Variants in ATP6V1C1 observed in about 807,000 individuals in gnomAD.
ATP6V1C1 encodes the protein ATPase H+ transporting V1 subunit C1, also known as V-type proton ATPase subunit C 1.
Under a neutral mutation model 53.9 loss-of-function variants are expected in ATP6V1C1, and 45 were observed. The ratio of observed to expected loss-of-function variants is 0.83; its 90% CI spans 0.66 to 1.07. ATP6V1C1 has a LOEUF of 1.07. Ranked by LOEUF, ATP6V1C1 falls within the 50% of genes least tolerant of loss-of-function variation. The probability of loss-of-function intolerance (pLI) is 0.00; values close to 1 mark genes in which losing one functional copy is unlikely to be tolerated. For missense variants in ATP6V1C1, 315 were observed against 440.3 expected (o/e 0.72, Z 2.55); for synonymous variants, 153 against 155.2 (o/e 0.99, Z 0.11).
At chr8:103,036,388 T>C (rs1290614260) in intron 1 of ATP6V1C1, among the ~76,000 whole-genome samples, 1 of 152,178 alleles carries the variant, frequency 6.6e-6, no homozygotes, top group Admixed American at 6.5e-5. Context: ...TAGGGAGGTC[T>C]CAGTTAAAAG....
At position 103,062,971 on chromosome 8, in the gene ATP6V1C1, C is replaced by G. The variant is rs1817428887; in HGVS notation, c.658C>G (p.Gln220Glu). 6.2e-7 allele frequency: 1 copy of G among 1,613,410 alleles called. No individual in the cohort carries two copies. Among genetic ancestry groups the G allele is most frequent in the African/African-American group, 1.3e-5 (1 of 74,930 alleles). Residue 220 changes from glutamine to glutamate, a missense_variant, in exon 9 of 13, where the codon CAA becomes GAA. By Grantham distance (29) the Gln-to-Glu change is conservative. Coordinates refer to ENST00000518738, the MANE Select transcript of ATP6V1C1 (RefSeq NM_001695.5). The stretch of plus-strand genomic sequence containing the variant: ...TTTCCATAGTGTTCTTTCAGAGGAC[C>G]AAGACAGTTACCTGTGTAATGTCAC... Reference protein sequence around the residue: ...PRSSNVLSEDQDSYLCNVTLF... With the variant: ...PRSSNVLSEDEDSYLCNVTLF...
At chr8:103,050,636 A>G (rs113542088) in intron 4 of ATP6V1C1, among the ~76,000 whole-genome samples, 3 of 152,188 alleles carry the variant, frequency 2.0e-5, no homozygotes, top group Admixed American at 6.6e-5. Flanking sequence ...CAATCATCAC[A>G]TGGTTTTAAC....
At chr8:103,045,451 A>C (rs1344258521) in intron 3 of ATP6V1C1, among the ~76,000 whole-genome samples, 1 of 152,222 alleles carries the variant, frequency 6.6e-6, no homozygotes, top group Non-Finnish European at 1.5e-5. Flanking sequence ...CTCAGTTGGG[A>C]CCAGACACTT....
chr8:103,044,088 C>CA (rs1175005359), intron 3 of ATP6V1C1, among the ~76,000 whole-genome samples: 1 of 151,924 alleles, frequency 6.6e-6, no homozygotes. Flanking sequence ...GGGGTTTCAC[C>CA]ATGTTGGACA....
chr8:103,037,831 C>T (rs543399599), intron 1 of ATP6V1C1, among the ~76,000 whole-genome samples: 31 of 152,184 alleles, frequency 2.0e-4, no homozygotes, highest in African/African-American at 7.5e-4. Flanking sequence ...TGAAATCTTA[C>T]CTACAAAACT....
At position 103,051,285 on chromosome 8, in the gene ATP6V1C1, A is replaced by G. The variant is rs1817195403; in HGVS notation, c.381+141A>G. The G allele has an allele frequency of 4.8e-6, 3 of 618,652 alleles. No individual in the cohort carries two copies. In the African/African-American group the frequency reaches 5.6e-5, roughly 11 times the overall value. 38.3% of individuals were successfully genotyped at this position (618,652 alleles called of 1,614,324 possible). On this transcript the variant is annotated intron_variant, in intron 5 of 12. Transcript: ENST00000518738. Reference sequence around the variant, plus strand: ...CAGAAGAAATCCTTACAACTTAGACATTAAAAGATGTTAAAAAGTATAACA... The same window carrying G: ...CAGAAGAAATCCTTACAACTTAGACGTTAAAAGATGTTAAAAAGTATAACA...
intron 10 of ATP6V1C1, 103 bp downstream of exon 10, chr8:103,063,331 G>T: frequency 1.3e-6 from 1 of 762,248 alleles, no homozygotes; most frequent in Non-Finnish European, 2.0e-6. Flanking sequence ...TTGGTTTTAA[G>T]ACATTTGATT....
At chr8:103,041,736 T>C (rs756234807) in intron 2 of ATP6V1C1, among the ~76,000 whole-genome samples, 6 of 151,908 alleles carry the variant, frequency 3.9e-5, no homozygotes, top group Admixed American at 6.6e-5. Context: ...GCCAGGCATG[T>C]TGGTGGGCAC....
At chr8:103,060,183 G>T (rs1410841081) in intron 8 of ATP6V1C1, among the ~76,000 whole-genome samples, 1 of 151,914 alleles carries the variant, frequency 6.6e-6, no homozygotes, top group Non-Finnish European at 1.5e-5. Flanking sequence ...GGCCAGACTG[G>T]TCTCGAGCTC....
At chr8:103,046,683 G>C (rs1817102242) in intron 3 of ATP6V1C1, among the ~76,000 whole-genome samples, 1 of 152,170 alleles carries the variant, frequency 6.6e-6, no homozygotes, top group Non-Finnish European at 1.5e-5. Flanking sequence ...TAAAAATCAT[G>C]TCGTTGTTAG....
rs1303645855 is a variant in ATP6V1C1, at chr8:103,068,759, T to A, written c.*12T>A. ...TGGAATTCAAGTGAAAATGGGCTCCTCCCCCGACAATCCTGTCCTTGTGTT... is the reference window on the plus strand; with the variant it reads ...TGGAATTCAAGTGAAAATGGGCTCCACCCCCGACAATCCTGTCCTTGTGTT... On this transcript the variant is annotated 3_prime_UTR_variant, in exon 13 of 13. Coordinates refer to ENST00000518738, the MANE Select transcript of ATP6V1C1 (RefSeq NM_001695.5). 7 of 1,597,632 alleles carry A rather than the reference T, an allele frequency of 4.4e-6. No individual in the cohort carries two copies. The Admixed American group carries it at 1.2e-4, about 27-fold the overall frequency.
At chr8:103,055,842 C>T in intron 7 of ATP6V1C1, 26 bp from the exon 8 acceptor site, 1 of 1,593,966 alleles carries the variant, frequency 6.3e-7, no homozygotes, top group East Asian at 2.2e-5. Context: ...TTTTCTTTTC[C>T]AATGTGTATT....
At chr8:103,055,428 TTTAC>T (rs918996907) in intron 7 of ATP6V1C1, among the ~76,000 whole-genome samples, 26 of 152,300 alleles carry the variant, frequency 1.7e-4, no homozygotes, top group African/African-American at 6.0e-4. Flanking sequence ...TGTCACTTCA[TTTAC>T]TTACTACCTC....
chr8:103,065,782 G>T (rs944523299), intron 11 of ATP6V1C1, among the ~76,000 whole-genome samples: 4 of 152,106 alleles, frequency 2.6e-5, no homozygotes, highest in African/African-American at 9.7e-5. Flanking sequence ...GGTGGCTCAT[G>T]CCTGTAGTCC....
chr8:103,064,881 A>G (rs972086756), intron 11 of ATP6V1C1, 70 bp downstream of exon 11: 6 of 1,350,192 alleles, frequency 4.4e-6, no homozygotes, highest in Admixed American at 2.1e-5. Context: ...CCTCTTTATT[A>G]TAACACAGTC....
chr8:103,065,693 G>A (rs1817476530), intron 11 of ATP6V1C1, among the ~76,000 whole-genome samples: 1 of 152,096 alleles, frequency 6.6e-6, no homozygotes, highest in African/African-American at 2.4e-5. Context: ...TACCATAAAA[G>A]TATCTGCTGA....
intron 1 of ATP6V1C1, among the ~76,000 whole-genome samples, chr8:103,025,082 T>C (rs956634292): frequency 6.6e-6 from 1 of 151,940 alleles, no homozygotes; most frequent in African/African-American, 2.4e-5. Flanking sequence ...GTGTGTGTAT[T>C]TGAAAATAAA....
chr8:103,040,811 T>G lies in ATP6V1C1; in HGVS notation c.-26T>G. ...TTTACATTTCAGAATCTCTCTTGAT[T>G]TTTGAGGAAATACCTAGTAACAAAC... On this transcript the variant is annotated 5_prime_UTR_variant, in exon 2 of 13. It adds an upstream start codon to the 5' untranslated region. Coordinates refer to ENST00000518738, the MANE Select transcript of ATP6V1C1 (RefSeq NM_001695.5). The G allele has an allele frequency of 1.3e-6, 2 of 1,597,190 alleles. No homozygotes were observed. Among genetic ancestry groups the G allele is most frequent in the Non-Finnish European group, 1.7e-6 (2 of 1,173,260 alleles).
intron 12 of ATP6V1C1, among the ~76,000 whole-genome samples, chr8:103,068,275 A>G (rs981370003): frequency 6.6e-6 from 1 of 152,240 alleles, no homozygotes; most frequent in African/African-American, 2.4e-5. Flanking sequence ...CTTATAAATC[A>G]TACTTGCTTT....
Sources: gnomAD v4.1 joint callset for allele counts (sites outside exome capture counted in the v4.1 genomes callset) on GRCh38, gnomAD v4.1.1 for gene constraint, MANE v1.5 for transcripts, NCBI Gene and HGNC (gene_info 2026-07-23, HGNC 2026-07-21) for gene names.